RERG: variants seen among roughly 807,000 people sequenced by gnomAD.
RERG encodes ras-related and estrogen-regulated growth inhibitor.
A neutral mutation model predicts 23.2 loss-of-function variants in RERG; 25 were observed. The ratio of observed to expected loss-of-function variants is 1.08; its 90% confidence interval spans 0.79 to 1.50. The LOEUF is 1.50. Ranked by LOEUF, RERG falls within the 40% of genes most tolerant of loss-of-function variation. The pLI is 0.00. For missense variants in RERG, 253 were observed against 250.1 expected, an observed-to-expected ratio of 1.01 and a Z score of -0.08; for synonymous variants, 81 against 89.1, an observed-to-expected ratio of 0.91 and a Z score of 0.51.
intron 2 of RERG, among the ~76,000 whole-genome samples, chr12:15,137,130 G>A (rs1453363707): frequency 6.6e-6 from 1 of 151,476 alleles, no homozygotes; most frequent in Non-Finnish European, 1.5e-5. Context: ...AAGACTTCTT[G>A]GATAATTAAC....
intron 2 of RERG, among the ~76,000 whole-genome samples, chr12:15,159,737 T>C (rs1242205065): frequency 6.6e-6 from 1 of 152,148 alleles, no homozygotes; most frequent in Non-Finnish European, 1.5e-5. Context: ...GGCAGGAGAA[T>C]GGTGTGAACC....
At chr12:15,133,146 GATATATATATAT>G (rs376565973) in intron 2 of RERG, among the ~76,000 whole-genome samples, 63 of 125,218 alleles carry the variant, frequency 5.0e-4, no homozygotes, top group African/African-American at 1.9e-3. Context: ...ATCCTGTGGA[GATATATATATAT>G]ATATATATAT....
chr12:15,199,221 T>C (rs539645441), intron 2 of RERG, among the ~76,000 whole-genome samples: 1 of 152,250 alleles, frequency 6.6e-6, no homozygotes, highest in African/African-American at 2.4e-5. Flanking sequence ...TGGGTGAAGC[T>C]CAAATTGGCA....
intron 2 of RERG, among the ~76,000 whole-genome samples, chr12:15,183,201 TGTA>T (rs1864948178): frequency 6.6e-6 from 1 of 152,132 alleles, no homozygotes; most frequent in Non-Finnish European, 1.5e-5. Flanking sequence ...ATCTTTGAAA[TGTA>T]ATAATAACTC....
intron 2 of RERG, among the ~76,000 whole-genome samples, chr12:15,206,284 A>ATGTGCTCTGG (rs1865288764): frequency 6.6e-6 from 1 of 152,082 alleles, no homozygotes; most frequent in South Asian, 2.1e-4. Flanking sequence ...GCTCTGGCCC[A>ATGTGCTCTGG]CAGAATATTT....
chr12:15,135,572 G>T (rs571282357), intron 2 of RERG, among the ~76,000 whole-genome samples: 19 of 152,264 alleles, frequency 1.2e-4, no homozygotes, highest in Admixed American at 9.8e-4. Flanking sequence ...AGTTGAGAAA[G>T]TTCTCCTCTA....
chr12:15,162,002 G>A (rs1031514242), intron 2 of RERG, among the ~76,000 whole-genome samples: 3 of 152,144 alleles, frequency 2.0e-5, no homozygotes, highest in African/African-American at 7.2e-5. Context: ...AAGGAGATTC[G>A]AGAGCATTGT....
intron 2 of RERG, among the ~76,000 whole-genome samples, chr12:15,121,963 A>G (rs1863839726): frequency 6.6e-6 from 1 of 152,194 alleles, no homozygotes; most frequent in South Asian, 2.1e-4. Flanking sequence ...GTCCTTATAA[A>G]TTGATAAGAC....
At chr12:15,137,829 C>T (rs1485669932) in intron 2 of RERG, 1 of 434,932 alleles carries the variant, frequency 2.3e-6, no homozygotes, top group Non-Finnish European at 4.6e-6. Flanking sequence ...TTTAATTTTA[C>T]CTTTAAAATT....
chr12:15,194,402 A>G (rs1258812563), intron 2 of RERG, among the ~76,000 whole-genome samples: 1 of 152,054 alleles, frequency 6.6e-6, no homozygotes, highest in Middle Eastern at 3.2e-3. Flanking sequence ...GGTTCTCAAA[A>G]TATATACACT....
chr12:15,188,742 G>T (rs947403721), intron 2 of RERG, among the ~76,000 whole-genome samples: 1 of 152,134 alleles, frequency 6.6e-6, no homozygotes, highest in Non-Finnish European at 1.5e-5. Flanking sequence ...GAGATTATTT[G>T]CTCTTCCTTA....
At chr12:15,218,163 A>G (rs1865468135) in intron 1 of RERG, 1 of 152,260 alleles carries the variant, frequency 6.6e-6, no homozygotes, top group Admixed American at 6.5e-5. Context: ...GAATCAATAT[A>G]TAATACATAG....
intron 2 of RERG, among the ~76,000 whole-genome samples, chr12:15,203,235 C>T (rs1865241509): frequency 1.3e-5 from 2 of 151,644 alleles, no homozygotes; most frequent in African/African-American, 4.8e-5. Context: ...CTTTATCAAA[C>T]ATATGGTTTG....
chr12:15,217,495 G>A lies in RERG; in HGVS notation c.-6C>T, dbSNP rs376132770. 7.5e-6 allele frequency: 12 copies of A among 1,608,074 alleles called. No homozygotes were observed. Among genetic ancestry groups the A allele is most frequent in the Non-Finnish European group, 1.0e-5 (12 of 1,174,634 alleles). ...ACCTCCGCACTTTTAGCCATGATGG[G>A]TGTTGGTAGACAATTTACTGTTGTT... On this transcript the variant is annotated 5_prime_UTR_variant, in exon 2 of 5. Coordinates refer to ENST00000256953, the MANE Select transcript of RERG (RefSeq NM_032918.3).
chr12:15,140,476 A>T (rs866545033), intron 2 of RERG, among the ~76,000 whole-genome samples: 2 of 140,926 alleles, frequency 1.4e-5, no homozygotes, highest in African/African-American at 6.5e-5. Context: ...ATTTTATTTT[A>T]CGTTATTTAT....
At chr12:15,129,715 T>G (rs930594000) in intron 2 of RERG, among the ~76,000 whole-genome samples, 4 of 151,886 alleles carry the variant, frequency 2.6e-5, no homozygotes, top group Admixed American at 2.6e-4. Flanking sequence ...TCAGGGTGGG[T>G]AGAGTGGCAT....
chr12:15,189,586 T>C (rs1215635825), intron 2 of RERG, among the ~76,000 whole-genome samples: 1 of 152,192 alleles, frequency 6.6e-6, no homozygotes, highest in Non-Finnish European at 1.5e-5. Context: ...AATTTTCTTA[T>C]TATGTCTCTT....
intron 2 of RERG, among the ~76,000 whole-genome samples, chr12:15,184,836 C>T (rs973867355): frequency 2.0e-5 from 3 of 152,090 alleles, no homozygotes; most frequent in African/African-American, 7.2e-5. Flanking sequence ...GGAGGTCTCT[C>T]ATAGATTGCA....
At chr12:15,139,591 A>G (rs537704561) in intron 2 of RERG, among the ~76,000 whole-genome samples, 18 of 152,168 alleles carry the variant, frequency 1.2e-4, no homozygotes, top group Non-Finnish European at 1.9e-4. Flanking sequence ...TAAATGGTAC[A>G]GTGTTTTTAA....
Sources: gnomAD v4.1 joint callset for allele counts (sites outside exome capture counted in the v4.1 genomes callset) on GRCh38, gnomAD v4.1.1 for gene constraint, MANE v1.5 for transcripts, NCBI Gene and HGNC (gene_info 2026-07-23, HGNC 2026-07-21) for gene names.